The following ARHGEF26 variants were observed in gnomAD, a reference collection of about 807,000 sequenced individuals.
ARHGEF26 encodes Rho guanine nucleotide exchange factor (GEF) 26.
A neutral mutation model predicts 89.4 loss-of-function variants in ARHGEF26; 59 were observed. The ratio of observed to expected loss-of-function variants is 0.66; its 90% CI spans 0.54 to 0.82. The LOEUF is 0.82. ARHGEF26 is among the 40% of genes least tolerant of loss of function. The pLI is 0.00. For synonymous variants in ARHGEF26, 500 were observed against 428.4 expected (o/e 1.17, Z -2.06); for missense variants, 1,234 against 1,085.6 (o/e 1.14, Z -1.92).
chr3:154,126,187 T>C (rs1476760710), intron 3 of ARHGEF26, among the ~76,000 whole-genome samples: 1 of 152,214 alleles, frequency 6.6e-6, no homozygotes, highest in Non-Finnish European at 1.5e-5. Flanking sequence ...AAATCTTGAA[T>C]AGACTCCAGT....
At chr3:154,201,776 G>T (rs1225091849) in intron 9 of ARHGEF26, among the ~76,000 whole-genome samples, 1 of 152,172 alleles carries the variant, frequency 6.6e-6, no homozygotes, top group Non-Finnish European at 1.5e-5. Flanking sequence ...ATTTTTTCAT[G>T]TGTCTTTTGG....
At chr3:154,153,800 T>A (rs948671418) in intron 6 of ARHGEF26, among the ~76,000 whole-genome samples, 5 of 152,080 alleles carry the variant, frequency 3.3e-5, no homozygotes, top group African/African-American at 1.2e-4. Context: ...TTTTTCTTGT[T>A]TTTACTTAAA....
chr3:154,183,309 A>G (rs1207400860), intron 6 of ARHGEF26, among the ~76,000 whole-genome samples: 3 of 152,228 alleles, frequency 2.0e-5, no homozygotes, highest in African/African-American at 7.2e-5. Flanking sequence ...GAAAAAAAAG[A>G]TAAAGGTTGT....
At chr3:154,227,573 G>A (rs1417365453) in intron 11 of ARHGEF26, among the ~76,000 whole-genome samples, 3 of 152,080 alleles carry the variant, frequency 2.0e-5, no homozygotes, top group Non-Finnish European at 2.9e-5. Flanking sequence ...GAGCCACTGC[G>A]CCCAGCCGTA....
intron 9 of ARHGEF26, among the ~76,000 whole-genome samples, chr3:154,203,995 G>A (rs937246054): frequency 6.6e-6 from 1 of 151,874 alleles, no homozygotes; most frequent in African/African-American, 2.4e-5. Flanking sequence ...TTGGTATCAC[G>A]GAAATATTGG....
intron 10 of ARHGEF26, among the ~76,000 whole-genome samples, chr3:154,223,125 A>T (rs148957633): frequency 2.0e-5 from 3 of 152,162 alleles, no homozygotes; most frequent in East Asian, 1.9e-4. Flanking sequence ...GAATAAGCAC[A>T]TGGAGAAGTT....
chr3:154,156,830 C>G (rs990884339), intron 6 of ARHGEF26, among the ~76,000 whole-genome samples: 1 of 152,168 alleles, frequency 6.6e-6, no homozygotes, highest in African/African-American at 2.4e-5. Flanking sequence ...TGATCAGTGT[C>G]TGAATTAGAT....
chr3:154,249,615 C>T (rs1718002188), intron 12 of ARHGEF26, among the ~76,000 whole-genome samples: 1 of 152,134 alleles, frequency 6.6e-6, no homozygotes, highest in Non-Finnish European at 1.5e-5. Flanking sequence ...TTCCCTCATA[C>T]TGAGGGCGGT....
chr3:154,123,939 C>T (rs762707246), intron 2 of ARHGEF26, among the ~76,000 whole-genome samples: 1 of 152,196 alleles, frequency 6.6e-6, no homozygotes, highest in Non-Finnish European at 1.5e-5. Flanking sequence ...TTGGCAGCCA[C>T]ATTTTTTCTT....
At position 154,240,377 on chromosome 3, in the gene ARHGEF26, A is replaced by G. The variant is rs774798454; in HGVS notation, c.2098A>G (p.Ser700Gly). ...TTTCCCTTTCCTTTACAGTGAAGAA[A>G]GTTACAACGTCAATGATTATTCCTT... ...LIITKKKSEE[S>G]YNVNDYSLRD... The change falls in exon 12 of 15, where the codon AGT becomes GGT. Residue 700 changes from serine to glycine, a missense_variant. By Grantham distance (56) the Ser-to-Gly change is moderately conservative (BLOSUM62 0). Transcript: ENST00000465093. 14 of 1,602,368 alleles carry G rather than the reference A, an allele frequency of 8.7e-6. No individual in the cohort carries two copies. The highest frequency in any genetic ancestry group is 1.2e-5 in the Non-Finnish European group (14 of 1,172,060).
intron 6 of ARHGEF26, among the ~76,000 whole-genome samples, chr3:154,171,882 T>A (rs2108140884): frequency 6.6e-6 from 1 of 152,238 alleles, no homozygotes; most frequent in African/African-American, 2.4e-5. Context: ...GGGGGAGGAC[T>A]GGCCAAGAAT....
At chr3:154,223,385 C>T (rs1294966745) in intron 10 of ARHGEF26, among the ~76,000 whole-genome samples, 2 of 152,062 alleles carry the variant, frequency 1.3e-5, no homozygotes, top group Non-Finnish European at 2.9e-5. Context: ...AAGAGATGTT[C>T]AAAAACATAT....
intron 6 of ARHGEF26, among the ~76,000 whole-genome samples, chr3:154,171,126 T>G (rs1289752946): frequency 1.3e-5 from 2 of 152,246 alleles, no homozygotes; most frequent in Admixed American, 6.5e-5. Context: ...AATCTGGTTC[T>G]GGCATAGAGA....
At chr3:154,183,735 C>T (rs369208879) in intron 6 of ARHGEF26, among the ~76,000 whole-genome samples, 11 of 152,056 alleles carry the variant, frequency 7.2e-5, no homozygotes, top group African/African-American at 2.4e-4. Context: ...GTAGCATAAA[C>T]AGAAATTTAA....
intron 9 of ARHGEF26, among the ~76,000 whole-genome samples, chr3:154,215,803 G>A (rs530288260): frequency 5.3e-5 from 8 of 152,070 alleles, no homozygotes; most frequent in Non-Finnish European, 1.0e-4. Flanking sequence ...CTACTCTCAT[G>A]ACCTAATAAC....
At chr3:154,252,162 G>A (rs972620262) in intron 12 of ARHGEF26, among the ~76,000 whole-genome samples, 1 of 152,114 alleles carries the variant, frequency 6.6e-6, no homozygotes, top group Admixed American at 6.5e-5. Flanking sequence ...CCAGGTGTTG[G>A]TCATGAAGGC....
chr3:154,122,650 C>G lies in ARHGEF26; in HGVS notation c.658C>G (p.Leu220Val). Reference sequence around the variant, plus strand: ...GGAACAAAAACTCCCCCTCCAAAGGCTGCCCTCCCAGGAGAACGAGCTCCT... The same window carrying G: ...GGAACAAAAACTCCCCCTCCAAAGGGTGCCCTCCCAGGAGAACGAGCTCCT... ...SSEQKLPLQR[L>V]PSQENELLEN... Residue 220 changes from leucine to valine, a missense_variant, in exon 2 of 15, where the codon CTG (leucine) becomes GTG (valine). Transcript: ENST00000465093. 1 of 1,613,926 alleles carries G rather than the reference C, an allele frequency of 6.2e-7. No individual in the cohort carries two copies. Among genetic ancestry groups the G allele is most frequent in the Non-Finnish European group, 8.5e-7 (1 of 1,179,898 alleles).
chr3:154,227,188 G>C (rs1020764767), intron 11 of ARHGEF26, among the ~76,000 whole-genome samples: 1 of 151,926 alleles, frequency 6.6e-6, no homozygotes, highest in Admixed American at 6.6e-5. Context: ...TTAAAATGCT[G>C]ATCATTATTT....
rs562372927 is a variant in ARHGEF26 at position 154,151,706 on chromosome 3, G to C, written c.1327-1066G>C. 3.9e-4 allele frequency among the ~76,000 whole-genome samples: 59 copies of C among 152,270 alleles called. 1 individual carries two copies. The highest frequency in any genetic ancestry group is 6.2e-4 in the Non-Finnish European group (42 of 68,018). On this transcript the variant is annotated intron_variant, in intron 5 of 14. Coordinates refer to ENST00000465093, the MANE Select transcript of ARHGEF26 (RefSeq NM_015595.4). ...CTAAACCTTACGGAAGTTAAAAGTG[G>C]AGGTGAGCACTGAGATTAGCACTTC...
Sources: gnomAD v4.1 joint callset for allele counts (sites outside exome capture counted in the v4.1 genomes callset) on GRCh38, gnomAD v4.1.1 for gene constraint, MANE v1.5 for transcripts, NCBI Gene and HGNC (gene_info 2026-07-23, HGNC 2026-07-21) for gene names.